Variants in WDR64 observed in about 807,000 individuals in gnomAD.
The protein encoded by WDR64 is WD repeat-containing protein 64.
WDR64 carries 112 observed loss-of-function variants against 139.3 expected under a neutral mutation model. That is an observed-to-expected ratio of 0.80 (90% CI 0.69 to 0.94). The LOEUF is 0.94. Among genes scored for constraint, WDR64 ranks in the 40% least tolerant of loss-of-function variants. The probability of loss-of-function intolerance (pLI) is 0.00; values close to 1 mark genes in which losing one functional copy is unlikely to be tolerated. For missense variants in WDR64, 1,206 were observed against 1,293.1 expected (o/e 0.93, Z 1.03); for synonymous variants, 444 against 437.7 (o/e 1.01, Z -0.18).
At chr1:241,793,872 C>T (rs1168850641) in intron 25 of WDR64, among the ~76,000 whole-genome samples, 4 of 152,148 alleles carry the variant, frequency 2.6e-5, no homozygotes, top group African/African-American at 9.7e-5. Context: ...GTTATATTAT[C>T]GTGTTCTACA....
chr1:241,701,329 C>A (rs1176494995), intron 8 of WDR64, among the ~76,000 whole-genome samples: 1 of 152,080 alleles, frequency 6.6e-6, no homozygotes. Context: ...GGGTTTAAAG[C>A]AATTTTTTGT....
At chr1:241,692,705 C>T (rs1195033508) in intron 8 of WDR64, among the ~76,000 whole-genome samples, 2 of 151,970 alleles carry the variant, frequency 1.3e-5, no homozygotes, top group African/African-American at 4.8e-5. Flanking sequence ...CCAAAATATA[C>T]AAAAAATTAT....
intron 8 of WDR64, among the ~76,000 whole-genome samples, chr1:241,700,199 G>A (rs546721207): frequency 2.4e-4 from 36 of 147,602 alleles, no homozygotes; most frequent in African/African-American, 8.0e-4. Context: ...TATTTATTGC[G>A]TACCTATTTT....
At chr1:241,654,181 G>A (rs1462969069) in intron 1 of WDR64, among the ~76,000 whole-genome samples, 1 of 152,170 alleles carries the variant, frequency 6.6e-6, no homozygotes, top group Non-Finnish European at 1.5e-5. Flanking sequence ...AAAGCTATCA[G>A]TTTGCTGCAG....
intron 15 of WDR64, 140 bp downstream of exon 15, chr1:241,757,599 A>G (rs1290492096): frequency 1.8e-5 from 11 of 624,354 alleles, no homozygotes; most frequent in East Asian, 9.5e-5. Flanking sequence ...TATATGACCA[A>G]ACTTACTCCT....
intron 14 of WDR64, among the ~76,000 whole-genome samples, chr1:241,750,704 G>T (rs1669945851): frequency 6.6e-6 from 1 of 152,178 alleles, no homozygotes; most frequent in Non-Finnish European, 1.5e-5. Context: ...TAGTTCTACT[G>T]TAGCATTTTT....
chr1:241,682,074 G>T (rs1479998631), intron 6 of WDR64, among the ~76,000 whole-genome samples: 1 of 152,094 alleles, frequency 6.6e-6, no homozygotes, highest in Non-Finnish European at 1.5e-5. Context: ...CCACTCTGTG[G>T]GTTGTCTGTT....
At chr1:241,701,278 G>GCACA (rs71797604) in intron 8 of WDR64, among the ~76,000 whole-genome samples, 3,333 of 150,976 alleles carry the variant, frequency 0.022, 136 homozygotes, top group African/African-American at 0.078. Flanking sequence ...GCACATGCGC[G>GCACA]CACACACACA....
intron 8 of WDR64, among the ~76,000 whole-genome samples, chr1:241,693,716 T>C (rs1377735810): frequency 6.6e-6 from 1 of 152,068 alleles, no homozygotes; most frequent in East Asian, 1.9e-4. Context: ...AAATAAAATC[T>C]AGTTTAAAAA....
intron 10 of WDR64, among the ~76,000 whole-genome samples, chr1:241,735,503 A>G (rs927572245): frequency 9.5e-5 from 12 of 126,806 alleles, no homozygotes; most frequent in South Asian, 7.9e-4. Context: ...TCCTTTTAAT[A>G]TTTAGTTCTC....
chr1:241,725,646 G>C (rs1253610812), intron 10 of WDR64, among the ~76,000 whole-genome samples: 1 of 152,116 alleles, frequency 6.6e-6, no homozygotes, highest in Non-Finnish European at 1.5e-5. Flanking sequence ...CCCGGCACCT[G>C]CCTCCTCCAG....
rs1489365565 is a variant in WDR64, at chr1:241,703,593, C to G, written c.975-8209C>G. Among the ~76,000 whole-genome samples the G allele has an allele frequency of 6.6e-6, 1 of 151,928 alleles. No homozygotes were observed. The highest frequency in any genetic ancestry group is 1.5e-5 in the Non-Finnish European group (1 of 68,010). On this transcript the variant is annotated intron_variant, in intron 8 of 27. Transcript: ENST00000437684. This position sits in a 1 kb window ranked among gnomAD's most constrained non-coding sequence, Gnocchi z 5.9. ...CAATACATTTCTATTCTGTGTGACT[C>G]CGGGAAGTGGTTATTGTTAATCAGG...
chr1:241,699,038 G>A (rs1056418471), intron 8 of WDR64, among the ~76,000 whole-genome samples: 2 of 152,112 alleles, frequency 1.3e-5, no homozygotes, highest in African/African-American at 4.8e-5. Context: ...AATCTCATGA[G>A]AACTCATGCA....
chr1:241,697,739 A>T (rs116103300), intron 8 of WDR64, among the ~76,000 whole-genome samples: 226 of 152,170 alleles, frequency 1.5e-3, no homozygotes, highest in African/African-American at 5.3e-3. Context: ...CACTGCCTCC[A>T]GTTCCTTGAT....
intron 24 of WDR64, 28 bp from the exon 25 acceptor site, chr1:241,790,563 G>A (rs1250112868): frequency 6.5e-7 from 1 of 1,540,514 alleles, no homozygotes; most frequent in African/African-American, 1.4e-5. Flanking sequence ...GTATGGGTAT[G>A]TACTTATTCT....
intron 22 of WDR64, 127 bp from the exon 23 acceptor site, chr1:241,783,145 T>C: frequency 1.3e-6 from 1 of 766,426 alleles, no homozygotes; most frequent in Non-Finnish European, 2.1e-6. Flanking sequence ...AAGGACTTAA[T>C]CATCTAGCAC....
At chr1:241,771,548 A>T in intron 18 of WDR64, 113 bp from the exon 19 acceptor site, 1 of 715,892 alleles carries the variant, frequency 1.4e-6, no homozygotes, top group Non-Finnish European at 2.0e-6. Context: ...GTATAATTTT[A>T]AAAGTAATGC....
chr1:241,657,796 C>T (rs1665668185), intron 1 of WDR64, among the ~76,000 whole-genome samples: 1 of 152,146 alleles, frequency 6.6e-6, no homozygotes, highest in African/African-American at 2.4e-5. Context: ...TATAATAAAG[C>T]CCATAAAATG....
chr1:241,757,284 G>C lies in WDR64; in HGVS notation c.1772G>C (p.Gly591Ala), dbSNP rs1187715338. The C allele has an allele frequency of 3.7e-6, 6 of 1,612,434 alleles. No homozygotes were observed. The highest frequency in any genetic ancestry group is 5.1e-6 in the Non-Finnish European group (6 of 1,179,326). Residue 591 changes from glycine (G) to alanine (A), a missense_variant and splice_region_variant, in exon 15 of 28, where the codon GGT (glycine) becomes GCT (alanine). Coordinates refer to ENST00000437684, the MANE Select transcript of WDR64 (RefSeq NM_001367482.1). ...GCACTCACTGGATTTCTGTTAAAGG[G>C]TAAGGAAGATGATATCTACCTCATG... ...ERNGTIKMIQGKEDDIYLMVI... is the reference protein window; with the variant it reads ...ERNGTIKMIQAKEDDIYLMVI...
Sources: gnomAD v4.1 joint callset for allele counts (sites outside exome capture counted in the v4.1 genomes callset) on GRCh38, gnomAD v4.1.1 for gene constraint, Gnocchi (gnomAD v3.1) non-coding constraint, MANE v1.5 for transcripts, NCBI Gene and HGNC (gene_info 2026-07-23, HGNC 2026-07-21) for gene names.